Variants in SFMBT2 observed in about 807,000 individuals in gnomAD.
The protein encoded by SFMBT2 is Scm like with four mbt domains 2.
A neutral mutation model predicts 110.1 loss-of-function variants in SFMBT2; 38 were observed. The ratio of observed to expected loss-of-function variants is 0.35; its 90% CI spans 0.27 to 0.45. The LOEUF is 0.45. Among genes scored for constraint, SFMBT2 ranks in the 20% least tolerant of loss-of-function variants. The probability of loss-of-function intolerance (pLI) is 1.00; values close to 1 mark genes in which losing one functional copy is unlikely to be tolerated. For synonymous variants in SFMBT2, 425 were observed against 425.4 expected (o/e 1.00, Z 0.01); for missense variants, 1,011 against 1,094.9 (o/e 0.92, Z 1.08).
chr10:7,341,977 C>G (rs1843919944), intron 4 of SFMBT2, among the ~76,000 whole-genome samples: 1 of 152,028 alleles, frequency 6.6e-6, no homozygotes, highest in Non-Finnish European at 1.5e-5. Flanking sequence ...GTTATTTGAG[C>G]TCCAGTTTTT....
At chr10:7,340,753 G>C (rs1843873191) in intron 4 of SFMBT2, among the ~76,000 whole-genome samples, 1 of 149,150 alleles carries the variant, frequency 6.7e-6, no homozygotes, top group Admixed American at 6.7e-5. Flanking sequence ...ACCTCAGCTT[G>C]AAGAGAGCAG....
chr10:7,166,451 TACC>T (rs1837696833), intron 20 of SFMBT2, among the ~76,000 whole-genome samples: 1 of 152,242 alleles, frequency 6.6e-6, no homozygotes, highest in South Asian at 2.1e-4. Flanking sequence ...CCAATGCATG[TACC>T]ACATTTCAGT....
At chr10:7,275,704 G>A (rs902261433) in intron 7 of SFMBT2, among the ~76,000 whole-genome samples, 25 of 152,132 alleles carry the variant, frequency 1.6e-4, no homozygotes, top group African/African-American at 5.6e-4. Context: ...TAATCACATG[G>A]CTAAGTTAAG....
At chr10:7,345,992 G>A (rs1440218440) in intron 4 of SFMBT2, among the ~76,000 whole-genome samples, 3 of 152,074 alleles carry the variant, frequency 2.0e-5, no homozygotes, top group African/African-American at 7.2e-5. Flanking sequence ...CAGAGCACTC[G>A]GTTGCTACCA....
chr10:7,211,731 C>T (rs551833282), intron 11 of SFMBT2, among the ~76,000 whole-genome samples: 1 of 152,244 alleles, frequency 6.6e-6, no homozygotes, highest in African/African-American at 2.4e-5. Context: ...TAAAACCACC[C>T]ACCCTGGCTT....
At chr10:7,307,202 T>C (rs929950135) in intron 4 of SFMBT2, among the ~76,000 whole-genome samples, 1 of 152,156 alleles carries the variant, frequency 6.6e-6, no homozygotes, top group African/African-American at 2.4e-5. Context: ...AAAGAAGATG[T>C]AAACAAAGGA....
At chr10:7,294,956 C>T (rs1263167596) in intron 4 of SFMBT2, 1 of 152,144 alleles carries the variant, frequency 6.6e-6, no homozygotes, top group Non-Finnish European at 1.5e-5. Flanking sequence ...ATACATTTCT[C>T]TATAGACTCT....
At chr10:7,166,965 G>A (rs556837284) in intron 20 of SFMBT2, among the ~76,000 whole-genome samples, 27 of 152,218 alleles carry the variant, frequency 1.8e-4, no homozygotes, top group African/African-American at 5.3e-4. Context: ...GAGAGCTGCC[G>A]GCAGATCACT....
chr10:7,270,671 A>C (rs1841551506), intron 7 of SFMBT2, among the ~76,000 whole-genome samples: 4 of 152,306 alleles, frequency 2.6e-5, no homozygotes, highest in Admixed American at 2.0e-4. Flanking sequence ...AGCACTCCTT[A>C]ATTATGCACA....
At chr10:7,299,582 A>C (rs1198065625) in intron 4 of SFMBT2, among the ~76,000 whole-genome samples, 1 of 152,220 alleles carries the variant, frequency 6.6e-6, no homozygotes, top group Non-Finnish European at 1.5e-5. Flanking sequence ...GTCAGGAAAC[A>C]ATAGATGCTG....
chr10:7,250,746 ATTTG>A (rs1840779069), intron 7 of SFMBT2, among the ~76,000 whole-genome samples: 1 of 152,154 alleles, frequency 6.6e-6, no homozygotes, highest in African/African-American at 2.4e-5. Flanking sequence ...AGCATCTGTT[ATTTG>A]TTTGACTTTT....
chr10:7,400,853 C>G (rs914462948), intron 1 of SFMBT2, among the ~76,000 whole-genome samples: 1 of 152,186 alleles, frequency 6.6e-6, no homozygotes, highest in African/African-American at 2.4e-5. Flanking sequence ...TCCCCCCCGG[C>G]CAGGCGCGGT....
rs1448196972 is a variant in SFMBT2, at chr10:7,170,565, A to G, written c.2544+363T>C. On this transcript the variant is annotated intron_variant, in intron 20 of 20. Transcript: ENST00000397167. This position sits in a 1 kb window ranked among gnomAD's most constrained non-coding sequence, Gnocchi z 4.6. ...GACTCTCACCCCTGCCTGGTGGTAA[A>G]GAGCCCCCACTGTAGAGTCGGTGGA... Among the ~76,000 whole-genome samples the G allele has an allele frequency of 2.0e-5, 3 of 152,120 alleles. No homozygotes were observed. Among genetic ancestry groups the G allele is most frequent in the Non-Finnish European group, 4.4e-5 (3 of 68,012 alleles).
At position 7,315,118 on chromosome 10, in the gene SFMBT2, GCA is replaced by G. The variant is rs200980485; in HGVS notation, c.437-29166_437-29165del. On this transcript the variant is annotated intron_variant, in intron 4 of 20. Coordinates refer to ENST00000397167, the MANE Select transcript of SFMBT2 (RefSeq NM_001387889.1). Reference sequence around the variant, plus strand: ...AAAGAAAGAAAGAAAGAAAAAGCAAGCAAGCAAGCCAGCCAATCCGGCAGCAC... The same window carrying G: ...AAAGAAAGAAAGAAAGAAAAAGCAAGAGCAAGCCAGCCAATCCGGCAGCAC... 7.7e-3 allele frequency among the ~76,000 whole-genome samples: 1,084 copies of G among 140,746 alleles called. 7 individuals are homozygous for G. Among genetic ancestry groups the G allele is most frequent in the Non-Finnish European group, 0.012 (781 of 63,498 alleles). The allele number at this position is 140,746 out of a possible 152,430, so 92.3% of individuals were successfully genotyped here.
chr10:7,247,857 T>G (rs917842690), intron 8 of SFMBT2, among the ~76,000 whole-genome samples: 2 of 152,134 alleles, frequency 1.3e-5, no homozygotes, highest in Non-Finnish European at 2.9e-5. Flanking sequence ...TAATGGGGAA[T>G]GGATATTATA....
intron 4 of SFMBT2, among the ~76,000 whole-genome samples, chr10:7,326,456 G>T (rs1440663584): frequency 6.6e-6 from 1 of 152,164 alleles, no homozygotes; most frequent in African/African-American, 2.4e-5. Context: ...CTCCTAAGCT[G>T]CAAAAGCAGA....
chr10:7,210,510 A>C (rs1188381017), intron 11 of SFMBT2, among the ~76,000 whole-genome samples: 2 of 152,244 alleles, frequency 1.3e-5, no homozygotes, highest in Admixed American at 6.5e-5. Context: ...CAACTGCTTC[A>C]GCTCAGTTAA....
rs1021276058 is a variant in SFMBT2, at chr10:7,383,949, G to A, written c.-51-2000C>T. Among the ~76,000 whole-genome samples the A allele has an allele frequency of 4.6e-5, 7 of 152,140 alleles. No homozygotes were observed. In the South Asian group the frequency reaches 1.5e-3, roughly 32 times the overall value. ...AGAAAGGCTGAGTGCGGTGGCTCAT[G>A]CCTGTAATCCCAGCACTTTGGGAGG... On this transcript the variant is annotated intron_variant, in intron 1 of 20. Coordinates refer to ENST00000397167, the MANE Select transcript of SFMBT2 (RefSeq NM_001387889.1).
At chr10:7,169,590 G>GA (rs557340244) in intron 20 of SFMBT2, among the ~76,000 whole-genome samples, 258 of 152,012 alleles carry the variant, frequency 1.7e-3, no homozygotes, top group Non-Finnish European at 2.5e-3. Context: ...AACATTATAT[G>GA]AAAAACAGTA....
Sources: gnomAD v4.1 joint callset for allele counts (sites outside exome capture counted in the v4.1 genomes callset) on GRCh38, gnomAD v4.1.1 for gene constraint, Gnocchi (gnomAD v3.1) non-coding constraint, MANE v1.5 for transcripts, NCBI Gene and HGNC (gene_info 2026-07-23, HGNC 2026-07-21) for gene names.